SNTG1: variants seen among roughly 807,000 people sequenced by gnomAD.
The protein encoded by SNTG1 is gamma-1-syntrophin.
Under a neutral mutation model 74.7 loss-of-function variants are expected in SNTG1, and 39 were observed. That is an observed-to-expected ratio of 0.52 (90% CI 0.40 to 0.68). SNTG1 has a LOEUF of 0.68. SNTG1 is among the 30% of genes least tolerant of loss of function. SNTG1 has a pLI of 0.00. For missense variants in SNTG1, 685 were observed against 609.5 expected, an observed-to-expected ratio of 1.12 and a Z score of -1.30; for synonymous variants, 254 against 217.1, an observed-to-expected ratio of 1.17 and a Z score of -1.49.
At chr8:50,030,198 T>C (rs892274628) in intron 1 of SNTG1, among the ~76,000 whole-genome samples, 2 of 152,148 alleles carry the variant, frequency 1.3e-5, no homozygotes, top group Non-Finnish European at 2.9e-5. Context: ...ACTGGATTAT[T>C]TGATTTTTTT....
Position 49,953,275 on chromosome 8 carries a change from T to G in SNTG1, c.-103+41044T>G, listed in dbSNP as rs1809883593. Reference sequence around the variant, plus strand: ...AGCCCCTCCTCCTCTTGTCCATAGATAGAGTAGACCAACTCACAGAACTTC... The same window carrying G: ...AGCCCCTCCTCCTCTTGTCCATAGAGAGAGTAGACCAACTCACAGAACTTC... On this transcript the variant is annotated intron_variant, in intron 1 of 18. Coordinates refer to ENST00000642720, the MANE Select transcript of SNTG1 (RefSeq NM_018967.5). Among the ~76,000 whole-genome samples the G allele has an allele frequency of 2.0e-5, 3 of 152,274 alleles. No homozygotes were observed. The South Asian group carries it at 6.2e-4, about 32-fold the overall frequency.
At chr8:49,995,793 G>A (rs147359887) in intron 1 of SNTG1, among the ~76,000 whole-genome samples, 81 of 152,298 alleles carry the variant, frequency 5.3e-4, no homozygotes, top group South Asian at 1.2e-3. Context: ...AGGGCTCATT[G>A]CCTTGTCAAT....
At chr8:50,608,644 T>A (rs1460620704) in intron 13 of SNTG1, among the ~76,000 whole-genome samples, 1 of 151,934 alleles carries the variant, frequency 6.6e-6, no homozygotes, top group African/African-American at 2.4e-5. Flanking sequence ...TGTGTGTTTT[T>A]TTAAATTCAG....
At chr8:50,572,441 T>C (rs2094554573) in intron 12 of SNTG1, among the ~76,000 whole-genome samples, 1 of 152,144 alleles carries the variant, frequency 6.6e-6, no homozygotes, top group Non-Finnish European at 1.5e-5. Context: ...CTTAAAATGA[T>C]GACTGAGACA....
intron 2 of SNTG1, among the ~76,000 whole-genome samples, chr8:50,379,780 G>A (rs764940864): frequency 5.3e-5 from 8 of 152,246 alleles, no homozygotes; most frequent in Non-Finnish European, 1.0e-4. Context: ...GAGCAACTTC[G>A]GAAAATGCCT....
intron 18 of SNTG1, among the ~76,000 whole-genome samples, chr8:50,781,994 G>A (rs923649925): frequency 6.6e-6 from 1 of 152,102 alleles, no homozygotes; most frequent in Admixed American, 6.6e-5. Flanking sequence ...GAAATTCTGG[G>A]TTGAACATTC....
chr8:49,935,592 G>A (rs1368642242), intron 1 of SNTG1, among the ~76,000 whole-genome samples: 4 of 150,582 alleles, frequency 2.7e-5, no homozygotes, highest in Admixed American at 6.6e-5. Flanking sequence ...AATGCACACC[G>A]GCTCCCATTT....
chr8:50,159,005 T>C (rs1315381816), intron 1 of SNTG1, among the ~76,000 whole-genome samples: 1 of 152,148 alleles, frequency 6.6e-6, no homozygotes, highest in Non-Finnish European at 1.5e-5. Flanking sequence ...TGCTTCTAAT[T>C]TGATGGTTGA....
chr8:50,106,298 G>A (rs375825750), intron 1 of SNTG1, among the ~76,000 whole-genome samples: 1 of 152,076 alleles, frequency 6.6e-6, no homozygotes, highest in Non-Finnish European at 1.5e-5. Context: ...GATCTCATGA[G>A]AACTCACTCA....
chr8:50,283,256 G>A (rs1269320260), intron 2 of SNTG1, among the ~76,000 whole-genome samples: 1 of 152,192 alleles, frequency 6.6e-6, no homozygotes, highest in Non-Finnish European at 1.5e-5. Context: ...GCTTTTCCAT[G>A]AGAGTTCAGG....
chr8:50,086,449 G>C (rs1383706084), intron 1 of SNTG1, among the ~76,000 whole-genome samples: 1 of 152,300 alleles, frequency 6.6e-6, no homozygotes, highest in African/African-American at 2.4e-5. Context: ...TAGAAAAAGG[G>C]TCAATATGAT....
intron 2 of SNTG1, among the ~76,000 whole-genome samples, chr8:50,387,349 T>C (rs1449925389): frequency 6.6e-6 from 1 of 152,112 alleles, no homozygotes; most frequent in Non-Finnish European, 1.5e-5. Flanking sequence ...AGTCGAAAGG[T>C]GCATTCTCTG....
chr8:50,790,535 A>G (rs1244954688), intron 18 of SNTG1, among the ~76,000 whole-genome samples: 1 of 151,910 alleles, frequency 6.6e-6, no homozygotes, highest in Non-Finnish European at 1.5e-5. Context: ...GTACTCACAT[A>G]AGAAATTAGT....
intron 15 of SNTG1, among the ~76,000 whole-genome samples, chr8:50,678,421 T>C (rs1260233621): frequency 6.6e-6 from 1 of 152,106 alleles, no homozygotes; most frequent in African/African-American, 2.4e-5. Context: ...GTGTTCTTAC[T>C]ATATCCAGAC....
intron 4 of SNTG1, among the ~76,000 whole-genome samples, chr8:50,432,813 A>G (rs2131534179): frequency 6.7e-6 from 1 of 149,836 alleles, no homozygotes; most frequent in South Asian, 2.1e-4. Context: ...TTTTTTTGAG[A>G]CTCTGTCTCA....
At chr8:49,945,683 C>G (rs970024634) in intron 1 of SNTG1, among the ~76,000 whole-genome samples, 1 of 152,146 alleles carries the variant, frequency 6.6e-6, no homozygotes, top group Non-Finnish European at 1.5e-5. Flanking sequence ...TGTGAGTGTC[C>G]TTTTCCCTGT....
At chr8:49,963,715 G>C (rs975898720) in intron 1 of SNTG1, among the ~76,000 whole-genome samples, 3 of 152,110 alleles carry the variant, frequency 2.0e-5, no homozygotes, top group Non-Finnish European at 4.4e-5. Flanking sequence ...TCTGATGATT[G>C]TTTAATCTCA....
chr8:50,236,686 G>A (rs1364793268), intron 2 of SNTG1, among the ~76,000 whole-genome samples: 4 of 152,114 alleles, frequency 2.6e-5, no homozygotes, highest in South Asian at 2.1e-4. Flanking sequence ...TCCTGACCTT[G>A]TGATCCGCCC....
chr8:50,545,806 T>G (rs186971857), intron 11 of SNTG1, among the ~76,000 whole-genome samples: 314 of 152,250 alleles, frequency 2.1e-3, no homozygotes, highest in Non-Finnish European at 3.8e-3. Context: ...GTGACAGGTT[T>G]GGCACTGGTG....
Sources: gnomAD v4.1 joint callset for allele counts (sites outside exome capture counted in the v4.1 genomes callset) on GRCh38, gnomAD v4.1.1 for gene constraint, MANE v1.5 for transcripts, NCBI Gene and HGNC (gene_info 2026-07-23, HGNC 2026-07-21) for gene names.